The following SRCIN1 variants were observed in gnomAD, a reference collection of about 807,000 sequenced individuals.
The protein encoded by SRCIN1 is P130Cas-associated protein.
A neutral mutation model predicts 116.2 loss-of-function variants in SRCIN1; 50 were observed. That is an observed-to-expected ratio of 0.43 (90% CI 0.34 to 0.54). The LOEUF is 0.54. Ranked by LOEUF, SRCIN1 falls within the 20% of genes least tolerant of loss-of-function variation. SRCIN1 has a pLI of 0.02. For missense variants in SRCIN1, 1,446 were observed against 1,672.0 expected (o/e 0.86, Z 2.36); for synonymous variants, 736 against 750.0 (o/e 0.98, Z 0.30).
chr17:38,588,500 G>C (rs1288551114), intron 1 of SRCIN1, among the ~76,000 whole-genome samples: 1 of 152,228 alleles, frequency 6.6e-6, no homozygotes, highest in African/African-American at 2.4e-5. Context: ...CAGGCCGAGC[G>C]GGAGGGGAGG....
At chr17:38,579,331 C>T (rs1907641143) in intron 1 of SRCIN1, among the ~76,000 whole-genome samples, 1 of 152,136 alleles carries the variant, frequency 6.6e-6, no homozygotes, top group South Asian at 2.1e-4. Context: ...GGCTGGGCGC[C>T]GGCTGGGAAA....
Position 38,544,055 on chromosome 17 carries a change from G to T in SRCIN1, c.3271-86C>A. The T allele has an allele frequency of 6.9e-7, 1 of 1,455,042 alleles. No homozygotes were observed. The highest frequency in any genetic ancestry group is 9.1e-7 in the Non-Finnish European group (1 of 1,095,380). 90.1% of individuals were successfully genotyped at this position (1,455,042 alleles called of 1,614,324 possible). A position where few individuals can be genotyped will look rare whatever the true frequency, so the allele number is the denominator to read the frequency against. ...CCCTAGCACTGGGTGGGGTCTCGGG[G>T]CTGGGACCTCCTCAGTGGGGCCCTT... On this transcript the variant is annotated intron_variant, in intron 17 of 18. Transcript: ENST00000617146. This position sits in a 1 kb window ranked among gnomAD's most constrained non-coding sequence, Gnocchi z 4.5.
At chr17:38,545,676 G>A (rs1345538318) in intron 17 of SRCIN1, among the ~76,000 whole-genome samples, 1 of 152,176 alleles carries the variant, frequency 6.6e-6, no homozygotes, top group Non-Finnish European at 1.5e-5. Context: ...CTACTTGCCA[G>A]TAAAGGTGCC....
chr17:38,572,502 G>T lies in SRCIN1; in HGVS notation c.325-4271C>A, dbSNP rs1907150006. ...CACGCCGAAGGCACCTAATGCGGTGGGGGAGGGGAGGAGGCGTTTCTCAGG... is the reference window on the plus strand; with the variant it reads ...CACGCCGAAGGCACCTAATGCGGTGTGGGAGGGGAGGAGGCGTTTCTCAGG... On this transcript the variant is annotated intron_variant, in intron 2 of 18. Transcript: ENST00000617146. The surrounding 1 kb of genome is among the most constrained non-coding windows in gnomAD (Gnocchi z 4.3). Among the ~76,000 whole-genome samples, 1 of 152,024 alleles carries T rather than the reference G, an allele frequency of 6.6e-6. No homozygotes were observed. The highest frequency in any genetic ancestry group is 2.1e-4 in the South Asian group (1 of 4,818).
chr17:38,553,961 C>T (rs1183919044), intron 11 of SRCIN1, among the ~76,000 whole-genome samples: 1 of 152,202 alleles, frequency 6.6e-6, no homozygotes, highest in Non-Finnish European at 1.5e-5. Flanking sequence ...CCTATAACCT[C>T]AGCACTTTGG....
rs1258729794 is a variant in SRCIN1 at position 38,568,022 on chromosome 17, C to A, written c.345+189G>T. 6.6e-6 allele frequency among the ~76,000 whole-genome samples: 1 copy of A among 152,216 alleles called. No homozygotes were observed. Among genetic ancestry groups the A allele is most frequent in the Non-Finnish European group, 1.5e-5 (1 of 68,034 alleles). On this transcript the variant is annotated intron_variant, in intron 3 of 18. Coordinates refer to ENST00000617146, the MANE Select transcript of SRCIN1 (RefSeq NM_025248.3). This position sits in a 1 kb window ranked among gnomAD's most constrained non-coding sequence, Gnocchi z 4.5. ...CCCAAACTCCTACTCCATCCACAAGCCCCTGACAGGCGAACCCAGACTCTC... is the reference window on the plus strand; with the variant it reads ...CCCAAACTCCTACTCCATCCACAAGACCCTGACAGGCGAACCCAGACTCTC...
chr17:38,571,976 G>C (rs1388971019), intron 2 of SRCIN1, among the ~76,000 whole-genome samples: 2 of 152,158 alleles, frequency 1.3e-5, no homozygotes, highest in East Asian at 3.9e-4. Context: ...TCATGCCCTG[G>C]GAGGGGAGGG....
intron 18 of SRCIN1, among the ~76,000 whole-genome samples, chr17:38,534,854 G>T (rs1023566096): frequency 1.3e-5 from 2 of 152,218 alleles, no homozygotes; most frequent in African/African-American, 4.8e-5. Flanking sequence ...AGGGCCGGGT[G>T]TGGTGGCTCA....
At chr17:38,591,652 G>C (rs995265942) in intron 1 of SRCIN1, among the ~76,000 whole-genome samples, 3 of 152,210 alleles carry the variant, frequency 2.0e-5, no homozygotes, top group Non-Finnish European at 4.4e-5. Context: ...CTTGCCTCCT[G>C]CTCCTAACGC....
chr17:38,563,430 C>A lies in SRCIN1; in HGVS notation c.633G>T (p.Ala211=), dbSNP rs1414293557. The change falls in exon 5 of 19, where the codon GCG becomes GCT. Residue 211 remains alanine (A), a synonymous_variant. Transcript: ENST00000617146. This position sits in a 1 kb window ranked among gnomAD's most constrained non-coding sequence, Gnocchi z 5.8. The stretch of plus-strand genomic sequence containing the variant: ...TGGTGAGCTTCTGCGGGAACATGTG[C>A]GCGATGAGTGCGTGCAGCGTGTCCA... The part of the protein sequence containing the change: ...SSLDTLHALI[A]HMFPQKLTMG... 2.6e-6 allele frequency: 4 copies of A among 1,566,818 alleles called. No individual in the cohort carries two copies. Among genetic ancestry groups the A allele is most frequent in the African/African-American group, 2.7e-5 (2 of 73,804 alleles).
At chr17:38,550,534 G>A (rs140509794) in intron 15 of SRCIN1, among the ~76,000 whole-genome samples, 63 of 152,138 alleles carry the variant, frequency 4.1e-4, no homozygotes, top group African/African-American at 1.3e-3. Flanking sequence ...AAAATTATAA[G>A]GATGACTACA....
At chr17:38,543,365 G>A (rs1241023251) in intron 18 of SRCIN1, among the ~76,000 whole-genome samples, 1 of 152,184 alleles carries the variant, frequency 6.6e-6, no homozygotes. Context: ...AATAGCAGGC[G>A]GAGCCCTGGG....
At position 38,548,836 on chromosome 17, in the gene SRCIN1, G is replaced by C. The variant is rs569980800; in HGVS notation, c.3118-127C>G. The C allele has an allele frequency of 1.1e-5, 15 of 1,360,818 alleles. No individual in the cohort carries two copies. In the African/African-American group the frequency reaches 1.9e-4, roughly 17 times the overall value. The allele number at this position is 1,360,818 out of a possible 1,614,324, so 84.3% of individuals were successfully genotyped here. Reference sequence around the variant, plus strand: ...TACTTCTGCTGCTACACCCCTGCCAGGGTGTCCCTCAACAGACAGGGGCCT... The same window carrying C: ...TACTTCTGCTGCTACACCCCTGCCACGGTGTCCCTCAACAGACAGGGGCCT... On this transcript the variant is annotated intron_variant, in intron 16 of 18. Coordinates refer to ENST00000617146, the MANE Select transcript of SRCIN1 (RefSeq NM_025248.3).
Position 38,551,918 on chromosome 17 carries a change from T to C in SRCIN1, c.2695A>G (p.Lys899Glu), listed in dbSNP as rs1232457548. Reference sequence around the variant, plus strand: ...GACACAGCTTTGTCCACGCTTCTCTTGCCAGGAGTGTCCAGGCCTTTGGTG... The same window carrying C: ...GACACAGCTTTGTCCACGCTTCTCTCGCCAGGAGTGTCCAGGCCTTTGGTG... ...NPTKGLDTPG[K>E]RSVDKAVSVE... The change falls in exon 14 of 19, where the codon AAG becomes GAG. Residue 899 changes from lysine (K) to glutamate (E), a missense_variant. Lys to Glu is a moderately conservative substitution (Grantham distance 56, BLOSUM62 1). Transcript: ENST00000617146. 2.5e-6 allele frequency: 4 copies of C among 1,614,050 alleles called. No homozygotes were observed. In the East Asian group the frequency reaches 6.7e-5, roughly 27 times the overall value.
At chr17:38,550,699 T>C (rs1905336264) in intron 15 of SRCIN1, among the ~76,000 whole-genome samples, 2 of 152,148 alleles carry the variant, frequency 1.3e-5, no homozygotes, top group Non-Finnish European at 2.9e-5. Context: ...ACTTAACCAA[T>C]ATGCATTGCA....
In SRCIN1 at chr17:38,578,484, A is replaced by T. The variant is rs760913911; in HGVS notation, c.324+6T>A. 2 of 1,575,022 alleles carry T rather than the reference A, an allele frequency of 1.3e-6. No individual in the cohort carries two copies. Among genetic ancestry groups the T allele is most frequent in the Admixed American group, 3.5e-5 (2 of 57,436 alleles). On this transcript the variant is annotated splice_donor_region_variant and intron_variant, in intron 2 of 18. Coordinates refer to ENST00000617146, the MANE Select transcript of SRCIN1 (RefSeq NM_025248.3). ...CAGCCGCAGCCGCAGCCGGGAGCCC[A>T]CTCACCTGCTCTCGCATCCTGTCCT...
intron 9 of SRCIN1, 110 bp from the exon 10 acceptor site, chr17:38,559,882 GC>G: frequency 5.7e-6 from 8 of 1,402,596 alleles, no homozygotes; most frequent in Non-Finnish European, 7.7e-6. Context: ...AGCCAGAGAA[GC>G]CCGTGGCTCT....
At chr17:38,547,804 C>T in intron 17 of SRCIN1, 1 of 230,166 alleles carries the variant, frequency 4.3e-6, no homozygotes, top group Non-Finnish European at 8.7e-6. Context: ...GCCCCAGGTC[C>T]TGGGGGGACA....
Position 38,558,333 on chromosome 17 carries a change from C to G in SRCIN1, c.2095G>C (p.Glu699Gln), listed in dbSNP as rs1037605504. ...TEAELSMRVS[E>Q]AARRQEDPLQ... Reference sequence around the variant, plus strand: ...GGGTCCTCCTGCCGCCGCGCCGCCTCCGACACGCGCATGCTCAGCTCTGCC... The same window carrying G: ...GGGTCCTCCTGCCGCCGCGCCGCCTGCGACACGCGCATGCTCAGCTCTGCC... Residue 699 changes from glutamate to glutamine, a missense_variant, in exon 11 of 19, where the codon GAG (glutamate) becomes CAG (glutamine). Around this residue, in one of 5 missense-constraint regions of SRCIN1, gnomAD observed 398 missense variants for 385.6 expected, o/e 1.03. Coordinates refer to ENST00000617146, the MANE Select transcript of SRCIN1 (RefSeq NM_025248.3). The surrounding 1 kb of genome is among the most constrained non-coding windows in gnomAD (Gnocchi z 4.6). The G allele has an allele frequency of 6.2e-7, 1 of 1,609,960 alleles. No homozygotes were observed. Among genetic ancestry groups the G allele is most frequent in the Non-Finnish European group, 8.5e-7 (1 of 1,179,528 alleles).
Sources: allele counts gnomAD v4.1 joint callset (sites outside exome capture counted in the v4.1 genomes callset), GRCh38; gene constraint gnomAD v4.1.1; regional missense constraint gnomAD v4.1.1; non-coding constraint Gnocchi (gnomAD v3.1); transcripts MANE v1.5; gene names NCBI Gene and HGNC (gene_info 2026-07-23, HGNC 2026-07-21).